The following YIF1B variants were observed in gnomAD, a reference collection of about 807,000 sequenced individuals.
YIF1B encodes Yip1 interacting factor homolog B, membrane trafficking protein.
A neutral mutation model predicts 34.6 loss-of-function variants in YIF1B; 24 were observed. The ratio of observed to expected loss-of-function variants is 0.69; its 90% CI spans 0.50 to 0.98. YIF1B has a LOEUF of 0.98. Ranked by LOEUF, YIF1B falls within the 50% of genes least tolerant of loss-of-function variation. The probability of loss-of-function intolerance (pLI) is 0.00; values close to 1 mark genes in which losing one functional copy is unlikely to be tolerated. For missense variants in YIF1B, 368 were observed against 429.4 expected (o/e 0.86, Z 1.26); for synonymous variants, 186 against 184.8 (o/e 1.01, Z -0.05).
rs974344608 is a variant in YIF1B at position 38,305,205 on chromosome 19, T to TG, written c.*146dup. ...CTGGAGATCTCTCAGCACCTTGGGT[T>TG]GGGGGCGGGGCTGGGCGGGACATGG... On this transcript the variant is annotated 3_prime_UTR_variant, in exon 8 of 8. Transcript: ENST00000339413. 3.0e-6 allele frequency: 4 copies of TG among 1,318,614 alleles called. No homozygotes were observed. The East Asian group carries it at 1.1e-4, about 35-fold the overall frequency. 81.7% of individuals were successfully genotyped at this position (1,318,614 alleles called of 1,614,324 possible). A position where few individuals can be genotyped will look rare whatever the true frequency, so the allele number is the denominator to read the frequency against.
chr19:38,319,796 T>C, upstream of YIF1B: 1 of 767,378 alleles, frequency 1.3e-6, no homozygotes, highest in South Asian at 2.7e-5. Context: ...CATTCCTCCG[T>C]CGCCGCCCCC....
At chr19:38,310,219 A>C (rs1440013805) in intron 1 of YIF1B, among the ~76,000 whole-genome samples, 4 of 117,368 alleles carry the variant, frequency 3.4e-5, no homozygotes, top group African/African-American at 1.0e-4. Flanking sequence ...CACCTATCCA[A>C]CCATCCATCC....
At position 38,304,226 on chromosome 19, in the gene YIF1B, C is replaced by A. The variant is rs764429517; in HGVS notation, c.*1126G>T. ...GCTCCGCTCCTCTGCAGGGCCCAGG[C>A]GCCCTTGGCCTTAGGACCCAACTTC... On this transcript the variant is annotated 3_prime_UTR_variant, in exon 8 of 8. Transcript: ENST00000339413. 1 of 1,612,752 alleles carries A rather than the reference C, an allele frequency of 6.2e-7. No homozygotes were observed. The highest frequency in any genetic ancestry group is 1.1e-5 in the South Asian group (1 of 90,946).
At chr19:38,307,234 C>T (rs138466888) in intron 7 of YIF1B, 194 bp downstream of exon 7, 2 of 617,328 alleles carry the variant, frequency 3.2e-6, no homozygotes, top group South Asian at 1.9e-5. Context: ...GCTGGTGTCT[C>T]CTCTTCCAGG....
In YIF1B at chr19:38,307,857, T is replaced by A. The variant is rs1969131306; in HGVS notation, c.540-105A>T. Reference sequence around the variant, plus strand: ...TTGGGTAGGGCTGGACACCTGGCAGTGACCAAGATGGATGTGCGCGCTATC... The same window carrying A: ...TTGGGTAGGGCTGGACACCTGGCAGAGACCAAGATGGATGTGCGCGCTATC... On this transcript the variant is annotated intron_variant, in intron 5 of 7. Transcript: ENST00000339413. 2.1e-6 allele frequency: 3 copies of A among 1,431,152 alleles called. No individual in the cohort carries two copies. The Admixed American group carries it at 6.5e-5, about 31-fold the overall frequency. The allele number at this position is 1,431,152 out of a possible 1,614,324, so 88.7% of individuals were successfully genotyped here.
Position 38,308,776 on chromosome 19 carries a change from C to T in YIF1B, c.539+16G>A. ...CCAAACCCCACCTTATTCGGCCTGC[C>T]CCAGGCCTCCCTTACCTATCCTGGG... On this transcript the variant is annotated intron_variant, in intron 5 of 7. Transcript: ENST00000339413. 1.2e-6 allele frequency: 2 copies of T among 1,613,786 alleles called. No homozygotes were observed. The highest frequency in any genetic ancestry group is 1.7e-6 in the Non-Finnish European group (2 of 1,179,840).
In YIF1B at chr19:38,305,454, C is replaced by A; in HGVS notation, c.843G>T (p.Pro281=). 4 of 1,609,614 alleles carry A rather than the reference C, an allele frequency of 2.5e-6. No individual in the cohort carries two copies. Among genetic ancestry groups the A allele is most frequent in the Non-Finnish European group, 3.4e-6 (4 of 1,177,744 alleles). The change falls in exon 8 of 8, where the codon CCG becomes CCT. Residue 281 remains proline, a synonymous_variant. Transcript: ENST00000339413. ...GCAGCTGGTTCCGGGCCCCACGCAC[C>A]GGGACCCCCTCAGCTGCTGCGTCTG... ...ILADAAAEGV[P]VRGARNQLRM...
In YIF1B at chr19:38,303,992, C is replaced by A. The variant is rs1318463513; in HGVS notation, c.*1360G>T. Among the ~76,000 whole-genome samples, 1 of 152,198 alleles carries A rather than the reference C, an allele frequency of 6.6e-6. No homozygotes were observed. Among genetic ancestry groups the A allele is most frequent in the Non-Finnish European group, 1.5e-5 (1 of 68,036 alleles). On this transcript the variant is annotated 3_prime_UTR_variant, in exon 8 of 8. Coordinates refer to ENST00000339413, the MANE Select transcript of YIF1B (RefSeq NM_001039672.3). ...GAGCTTTTGGGGGAAACCTGTAGCT[C>A]CCCGAATGCCATCCACAGAGCCCCC...
At chr19:38,320,168 G>T, upstream of YIF1B, 2 of 1,598,428 alleles carry the variant, frequency 1.3e-6, no homozygotes. Flanking sequence ...GGACGGCTGG[G>T]GCGGGTCGTG....
chr19:38,309,650 G>T lies in YIF1B; in HGVS notation c.59-7C>A. ...GGGATCCTCCGCTTCGAGGCTGCAA[G>T]GGAAGAGAGTGAGAAGGAGCTGGGG... On this transcript the variant is annotated splice_region_variant and splice_polypyrimidine_tract_variant and intron_variant, in intron 1 of 7. Coordinates refer to ENST00000339413, the MANE Select transcript of YIF1B (RefSeq NM_001039672.3). 6.3e-7 allele frequency: 1 copy of T among 1,594,852 alleles called. No homozygotes were observed. Among genetic ancestry groups the T allele is most frequent in the Admixed American group, 1.8e-5 (1 of 57,096 alleles).
At chr19:38,317,219 C>A (rs554559490), upstream of YIF1B, 26 of 152,486 alleles carry the variant, frequency 1.7e-4, no homozygotes, top group African/African-American at 5.1e-4. Context: ...CAGTCTCCCC[C>A]CTTCTCTCCC....
At chr19:38,321,047 A>G (rs1969646405), upstream of YIF1B, among the ~76,000 whole-genome samples, 1 of 151,862 alleles carries the variant, frequency 6.6e-6, no homozygotes, top group African/African-American at 2.4e-5. Context: ...TGGGCCTGCC[A>G]CCCTTGCCAT....
rs747437505 is a variant in YIF1B at position 38,305,428 on chromosome 19, C to T, written c.869G>A (p.Arg290His). The stretch of plus-strand genomic sequence containing the variant: ...CGCCACCGCCATGGTCAGGTACATG[C>T]GCAGCTGGTTCCGGGCCCCACGCAC... ...VPVRGARNQL[R>H]MYLTMAVAAA... Residue 290 changes from arginine to histidine, a missense_variant, in exon 8 of 8, where the codon CGC becomes CAC. Arg to His is a conservative substitution (Grantham distance 29, BLOSUM62 0). Transcript: ENST00000339413. 53 of 1,610,686 alleles carry T rather than the reference C, an allele frequency of 3.3e-5. No homozygotes were observed. The highest frequency in any genetic ancestry group is 4.5e-5 in the Non-Finnish European group (53 of 1,178,556).
chr19:38,304,380 G>A lies in YIF1B; in HGVS notation c.*972C>T. The A allele has an allele frequency of 6.3e-7, 1 of 1,585,838 alleles. No homozygotes were observed. Among genetic ancestry groups the A allele is most frequent in the Non-Finnish European group, 8.6e-7 (1 of 1,167,032 alleles). On this transcript the variant is annotated 3_prime_UTR_variant, in exon 8 of 8. Transcript: ENST00000339413. ...CACCCAACTTCTCTCCACAGCCCTG[G>A]AGCCCACCTCCCAGAAGCCCGGTGT...
At chr19:38,313,108 A>G (rs1175926407) in intron 1 of YIF1B, among the ~76,000 whole-genome samples, 3 of 149,902 alleles carry the variant, frequency 2.0e-5, no homozygotes, top group Non-Finnish European at 4.5e-5. Flanking sequence ...CACGCCACCA[A>G]GCCCAGGTAA....
Position 38,304,839 on chromosome 19 carries a change from CCA to C in YIF1B, c.*511_*512del. 6.2e-7 allele frequency: 1 copy of C among 1,613,714 alleles called. No individual in the cohort carries two copies. The highest frequency in any genetic ancestry group is 8.5e-7 in the Non-Finnish European group (1 of 1,179,980). ...TTCTCTCCCATCCCTGCCCTCGGCCCCACAGTCCCACGCTGCTGGCTCCAAGC... is the reference window on the plus strand; with the variant it reads ...TTCTCTCCCATCCCTGCCCTCGGCCCCAGTCCCACGCTGCTGGCTCCAAGC... On this transcript the variant is annotated 3_prime_UTR_variant, in exon 8 of 8. Transcript: ENST00000339413.
At chr19:38,307,929 T>C (rs912086471) in intron 5 of YIF1B, among the ~76,000 whole-genome samples, 177 bp from the exon 6 acceptor site, 2 of 152,242 alleles carry the variant, frequency 1.3e-5, no homozygotes, top group Non-Finnish European at 2.9e-5. Context: ...GACCCATCCC[T>C]AGACAGTGAC....
chr19:38,310,208 C>G (rs1969269317), intron 1 of YIF1B, among the ~76,000 whole-genome samples: 1 of 149,878 alleles, frequency 6.7e-6, no homozygotes, highest in Admixed American at 6.6e-5. Flanking sequence ...ATCCATCCAT[C>G]CACCTATCCA....
At position 38,305,069 on chromosome 19, in the gene YIF1B, C is replaced by G; in HGVS notation, c.*283G>C. The G allele has an allele frequency of 3.3e-6, 5 of 1,517,836 alleles. No homozygotes were observed. Among genetic ancestry groups the G allele is most frequent in the East Asian group, 2.5e-5 (1 of 40,564 alleles). 94.0% of individuals were successfully genotyped at this position (1,517,836 alleles called of 1,614,324 possible). A position where few individuals can be genotyped will look rare whatever the true frequency, so the allele number is the denominator to read the frequency against. ...CCAGCTCCCTGCCCCCTGCCCAGCG[C>G]TGGGCCCGCCCATTCGTGCGCGAGG... On this transcript the variant is annotated 3_prime_UTR_variant, in exon 8 of 8. Transcript: ENST00000339413.
Sources: gnomAD v4.1 joint callset for allele counts (sites outside exome capture counted in the v4.1 genomes callset) on GRCh38, gnomAD v4.1.1 for gene constraint, MANE v1.5 for transcripts, NCBI Gene and HGNC (gene_info 2026-07-23, HGNC 2026-07-21) for gene names.